The following WIPF1 variants were observed in gnomAD, a reference collection of about 807,000 sequenced individuals.
The protein encoded by WIPF1 is WAS/WASL-interacting protein family member 1.
A neutral mutation model predicts 35.4 loss-of-function variants in WIPF1; 13 were observed. The ratio of observed to expected loss-of-function variants is 0.37; its 90% confidence interval spans 0.24 to 0.58. The LOEUF (loss-of-function observed/expected upper bound fraction) is 0.58, where lower values mean the gene tolerates loss of function less well. Among genes scored for constraint, WIPF1 ranks in the 20% least tolerant of loss-of-function variants. The pLI, the probability that WIPF1 is intolerant of heterozygous loss-of-function variation, is 0.74. For missense variants in WIPF1, 591 were observed against 667.0 expected (o/e 0.89, Z 1.25); for synonymous variants, 267 against 266.3 (o/e 1.00, Z -0.02).
At chr2:174,629,081 C>G (rs1299193329) in intron 1 of WIPF1, among the ~76,000 whole-genome samples, 1 of 152,114 alleles carries the variant, frequency 6.6e-6, no homozygotes, top group Non-Finnish European at 1.5e-5. Context: ...CCTTATGGAC[C>G]CTTAAAGGAA....
intron 1 of WIPF1, among the ~76,000 whole-genome samples, chr2:174,624,666 G>T (rs1452832897): frequency 6.6e-6 from 1 of 152,196 alleles, no homozygotes; most frequent in East Asian, 1.9e-4. Flanking sequence ...CTGGAGCAGG[G>T]TCCAGGGGCA....
intron 1 of WIPF1, among the ~76,000 whole-genome samples, chr2:174,620,592 T>C (rs577393664): frequency 3.9e-5 from 6 of 152,334 alleles, no homozygotes; most frequent in African/African-American, 7.2e-5. Context: ...ATTCAGCACA[T>C]ACCCATTATC....
chr2:174,649,874 A>G (rs927298413), intron 1 of WIPF1, among the ~76,000 whole-genome samples: 12 of 152,328 alleles, frequency 7.9e-5, no homozygotes, highest in Non-Finnish European at 1.2e-4. Context: ...GTAAACCTTA[A>G]CTTCACTGAA....
At chr2:174,674,383 G>A (rs947196643) in intron 1 of WIPF1, among the ~76,000 whole-genome samples, 5 of 152,132 alleles carry the variant, frequency 3.3e-5, no homozygotes, top group Admixed American at 6.5e-5. Flanking sequence ...TTTGTATTTT[G>A]TAAGTTTCTG....
At chr2:174,682,694 G>A (rs1688279575) in intron 1 of WIPF1, 1 of 151,158 alleles carries the variant, frequency 6.6e-6, no homozygotes, top group African/African-American at 2.4e-5. Flanking sequence ...CCCCGCCGTC[G>A]AGCCCAGCCC....
chr2:174,671,531 G>A (rs1356658945), intron 1 of WIPF1, among the ~76,000 whole-genome samples: 1 of 152,202 alleles, frequency 6.6e-6, no homozygotes, highest in Non-Finnish European at 1.5e-5. Context: ...TGGCTGCCTG[G>A]GAGTGGGGCA....
chr2:174,630,587 G>C (rs1211056800), intron 1 of WIPF1: 1 of 152,132 alleles, frequency 6.6e-6, no homozygotes, highest in Non-Finnish European at 1.5e-5. Context: ...GGGACACTTA[G>C]AGCTTTTTTT....
intron 1 of WIPF1, among the ~76,000 whole-genome samples, chr2:174,674,193 C>T (rs1049555270): frequency 2.6e-5 from 4 of 152,198 alleles, no homozygotes; most frequent in Admixed American, 6.5e-5. Flanking sequence ...GCAATGAGCG[C>T]AAGGACTTTC....
intron 1 of WIPF1, chr2:174,673,204 A>G (rs1301790261): frequency 6.6e-6 from 1 of 152,236 alleles, no homozygotes; most frequent in East Asian, 1.9e-4. Flanking sequence ...GGTTAGATCC[A>G]CTTCACAGCA....
intron 1 of WIPF1, among the ~76,000 whole-genome samples, chr2:174,667,090 T>G (rs1395736939): frequency 6.6e-6 from 1 of 152,194 alleles, no homozygotes; most frequent in African/African-American, 2.4e-5. Flanking sequence ...TCCTCTAAGC[T>G]TTTTATTTTG....
intron 3 of WIPF1, among the ~76,000 whole-genome samples, chr2:174,578,689 AT>A (rs1304799602): frequency 6.6e-6 from 1 of 152,068 alleles, no homozygotes; most frequent in East Asian, 1.9e-4. Context: ...TTTATCATAA[AT>A]TTGTGTTAGT....
At chr2:174,628,276 A>G (rs1008934059) in intron 1 of WIPF1, among the ~76,000 whole-genome samples, 31 of 152,222 alleles carry the variant, frequency 2.0e-4, no homozygotes, top group Admixed American at 9.2e-4. Flanking sequence ...ATCAGTGCTA[A>G]GGATGGCTAA....
At chr2:174,584,571 C>G (rs1685341292) in intron 2 of WIPF1, among the ~76,000 whole-genome samples, 1 of 152,092 alleles carries the variant, frequency 6.6e-6, no homozygotes, top group Non-Finnish European at 1.5e-5. Context: ...GGAGAGTTGC[C>G]AAATTCCTGA....
intron 1 of WIPF1, among the ~76,000 whole-genome samples, chr2:174,611,399 G>C (rs781080271): frequency 6.6e-6 from 1 of 152,154 alleles, no homozygotes; most frequent in Non-Finnish European, 1.5e-5. Flanking sequence ...AAAAAAACTT[G>C]ATGATATATT....
At chr2:174,632,065 A>G (rs1334727007) in intron 1 of WIPF1, among the ~76,000 whole-genome samples, 1 of 152,150 alleles carries the variant, frequency 6.6e-6, no homozygotes, top group Non-Finnish European at 1.5e-5. Context: ...TTTTCTCCAG[A>G]TTAAAGGTGA....
In WIPF1 at chr2:174,622,448, G is replaced by A. The variant is rs1271309858; in HGVS notation, c.-38-36837C>T. ...ACAAATACATATTTAAATAAAGAAC[G>A]TTTATCCATGTCTCCTAAAATCACC... On this transcript the variant is annotated intron_variant, in intron 1 of 8. Coordinates refer to the WIPF1 transcript ENST00000272746. This position sits in a 1 kb window ranked among gnomAD's most constrained non-coding sequence, Gnocchi z 5.1. Among the ~76,000 whole-genome samples, 2 of 152,040 alleles carry A rather than the reference G, an allele frequency of 1.3e-5. No individual in the cohort carries two copies. The highest frequency in any genetic ancestry group is 2.9e-5 in the Non-Finnish European group (2 of 68,000).
chr2:174,665,226 T>C (rs776858213), intron 1 of WIPF1: 2 of 152,212 alleles, frequency 1.3e-5, no homozygotes, highest in Non-Finnish European at 2.9e-5. Context: ...TCTGGTTTTT[T>C]GCTCCTGTTT....
intron 1 of WIPF1, among the ~76,000 whole-genome samples, chr2:174,588,135 C>T (rs1372805046): frequency 1.3e-5 from 2 of 152,102 alleles, no homozygotes; most frequent in Admixed American, 1.3e-4. Flanking sequence ...TGATTCAGGC[C>T]TGACTACTGC....
At chr2:174,585,312 C>A (rs970519685) in intron 2 of WIPF1, among the ~76,000 whole-genome samples, 1 of 152,236 alleles carries the variant, frequency 6.6e-6, no homozygotes, top group East Asian at 1.9e-4. Flanking sequence ...CTTGTACTAT[C>A]CATCACACGA....
Sources: gnomAD v4.1 joint callset for allele counts (sites outside exome capture counted in the v4.1 genomes callset) on GRCh38, gnomAD v4.1.1 for gene constraint, Gnocchi (gnomAD v3.1) non-coding constraint, MANE v1.5 for transcripts, NCBI Gene and HGNC (gene_info 2026-07-23, HGNC 2026-07-21) for gene names.